Variants in COL21A1 observed in about 807,000 individuals in gnomAD.
The protein encoded by COL21A1 is collagen alpha-1(XXI) chain.
Under a neutral mutation model 137.9 loss-of-function variants are expected in COL21A1, and 149 were observed. That is an observed-to-expected ratio of 1.08 (90% CI 0.95 to 1.24). The LOEUF (loss-of-function observed/expected upper bound fraction) is 1.24, where lower values mean the gene tolerates loss of function less well. Among genes scored for constraint, COL21A1 ranks in the 50% most tolerant of loss-of-function variants. The pLI, the probability that COL21A1 is intolerant of heterozygous loss-of-function variation, is 0.00. For missense variants in COL21A1, 1,167 were observed against 1,158.4 expected, an observed-to-expected ratio of 1.01 and a Z score of -0.11; for synonymous variants, 456 against 391.5, an observed-to-expected ratio of 1.16 and a Z score of -1.95.
chr6:56,214,736 A>G (rs1780380834), intron 1 of COL21A1, among the ~76,000 whole-genome samples: 1 of 152,108 alleles, frequency 6.6e-6, no homozygotes, highest in Non-Finnish European at 1.5e-5. Flanking sequence ...AATAAGAACC[A>G]AAATGGTTAT....
At chr6:56,064,820 T>C (rs1443986162) in intron 23 of COL21A1, among the ~76,000 whole-genome samples, 198 bp from the exon 24 acceptor site, 1 of 152,006 alleles carries the variant, frequency 6.6e-6, no homozygotes, top group African/African-American at 2.4e-5. Flanking sequence ...AATCTTATAG[T>C]TAAAGTGGAC....
chr6:56,114,594 A>G (rs1434911642), intron 16 of COL21A1, among the ~76,000 whole-genome samples: 1 of 152,036 alleles, frequency 6.6e-6, no homozygotes, highest in Admixed American at 6.6e-5. Context: ...ACTGGCCATC[A>G]GAGAAATGCA....
intron 1 of COL21A1, among the ~76,000 whole-genome samples, chr6:56,334,197 T>C (rs1197211640): frequency 6.6e-6 from 1 of 152,136 alleles, no homozygotes; most frequent in Non-Finnish European, 1.5e-5. Context: ...ATGTATATAC[T>C]TGTCCATCTG....
At position 56,124,274 on chromosome 6, in the gene COL21A1, C is replaced by A; in HGVS notation, c.1669G>T (p.Gly557Trp). Residue 557 changes from glycine to tryptophan, a missense_variant, in exon 15 of 30, where the codon GGG (glycine) becomes TGG (tryptophan). Physicochemically the swap from Gly to Trp is radical, Grantham distance 184. Transcript: ENST00000244728. ...GGGAGGCCAGGGAAGCCAGCATTCC[C>A]CTTTTCACCTTTTGCACCCTGTATC... ...YGKKGAKGEK[G>W]NAGFPGLPGP... is the part of the protein sequence containing the mutation. The A allele has an allele frequency of 6.2e-7, 1 of 1,603,636 alleles. No homozygotes were observed. Among genetic ancestry groups the A allele is most frequent in the East Asian group, 2.2e-5 (1 of 44,638 alleles).
intron 1 of COL21A1, among the ~76,000 whole-genome samples, chr6:56,266,210 C>A (rs564121633): frequency 1.6e-4 from 24 of 152,224 alleles, no homozygotes; most frequent in Middle Eastern, 3.4e-3. Flanking sequence ...AAGTAAAATT[C>A]AAACTCTGGA....
intron 16 of COL21A1, among the ~76,000 whole-genome samples, chr6:56,113,013 A>G (rs571108862): frequency 6.6e-6 from 1 of 152,312 alleles, no homozygotes; most frequent in South Asian, 2.1e-4. Context: ...AGCCCCAGCC[A>G]AAGGAGAATT....
chr6:56,342,650 C>G (rs1372358544), intron 1 of COL21A1, among the ~76,000 whole-genome samples: 4 of 152,134 alleles, frequency 2.6e-5, no homozygotes, highest in African/African-American at 9.7e-5. Flanking sequence ...ATGTGATTTG[C>G]ACAAAATGGC....
intron 17 of COL21A1, among the ~76,000 whole-genome samples, chr6:56,089,205 T>C (rs1332251051): frequency 6.6e-6 from 1 of 152,154 alleles, no homozygotes; most frequent in Non-Finnish European, 1.5e-5. Flanking sequence ...CTCACCAAAA[T>C]AGCAACAGGA....
At chr6:56,115,847 A>G (rs560449780) in intron 16 of COL21A1, among the ~76,000 whole-genome samples, 20 of 152,248 alleles carry the variant, frequency 1.3e-4, no homozygotes, top group Non-Finnish European at 2.6e-4. Context: ...CAAAGAAACA[A>G]AGCAGAAATT....
At chr6:56,228,092 G>A (rs1180416057) in intron 1 of COL21A1, among the ~76,000 whole-genome samples, 1 of 151,964 alleles carries the variant, frequency 6.6e-6, no homozygotes, top group Non-Finnish European at 1.5e-5. Flanking sequence ...AATGAATGAT[G>A]GGGCAGGTAC....
chr6:56,170,885 T>G lies in COL21A1; in HGVS notation c.810-20A>C. The stretch of plus-strand genomic sequence containing the variant: ...ACATTGCTAGAAAAAGAAGAGCAAG[T>G]GTAAGCTTAAAGAATTCTTGACATG... On this transcript the variant is annotated intron_variant, in intron 4 of 29. Coordinates refer to ENST00000244728, the MANE Select transcript of COL21A1 (RefSeq NM_030820.4). 3 of 1,603,590 alleles carry G rather than the reference T, an allele frequency of 1.9e-6. No individual in the cohort carries two copies. In the South Asian group the frequency reaches 3.3e-5, roughly 18 times the overall value.
intron 1 of COL21A1, among the ~76,000 whole-genome samples, chr6:56,213,168 T>C (rs914212796): frequency 6.6e-6 from 1 of 151,228 alleles, no homozygotes; most frequent in Non-Finnish European, 1.5e-5. Context: ...TGCCATTTCA[T>C]AGTCTTATTT....
At chr6:56,127,658 G>A (rs1265829449) in intron 12 of COL21A1, among the ~76,000 whole-genome samples, 1 of 152,090 alleles carries the variant, frequency 6.6e-6, no homozygotes, top group Non-Finnish European at 1.5e-5. Flanking sequence ...ACGTTTGAAG[G>A]CTCTGCTTCA....
Position 56,393,730 on chromosome 6 carries a change from G to A in COL21A1, c.-39+241C>T, listed in dbSNP as rs75529619. ...GGCAGGCTGCAGCCTACACCATGAG[G>A]CAGGTAGAAAATTGCCAGTCCCCAG... On this transcript the variant is annotated intron_variant, in intron 1 of 28. Transcript: ENST00000370819. 1.6e-3 allele frequency among the ~76,000 whole-genome samples: 247 copies of A among 152,278 alleles called. 3 individuals carry two copies. The East Asian group carries it at 0.022, about 13-fold the overall frequency.
At chr6:56,190,379 C>G in intron 1 of COL21A1, among the ~76,000 whole-genome samples, 1 of 152,042 alleles carries the variant, frequency 6.6e-6, no homozygotes, top group East Asian at 1.9e-4. Context: ...CACCCTCCCA[C>G]GTCTAAACCA....
At chr6:56,141,409 C>T (rs900058229) in intron 12 of COL21A1, among the ~76,000 whole-genome samples, 3 of 152,144 alleles carry the variant, frequency 2.0e-5, no homozygotes, top group African/African-American at 4.8e-5. Context: ...CAATAGGCCA[C>T]GTGCCAGATA....
At position 56,070,055 on chromosome 6, in the gene COL21A1, T is replaced by A. The variant is rs191375107; in HGVS notation, c.2019+690A>T. Among the ~76,000 whole-genome samples the A allele has an allele frequency of 3.7e-3, 555 of 151,618 alleles. 7 individuals are homozygous for A. The highest frequency in any genetic ancestry group is 0.013 in the African/African-American group (528 of 41,478). On this transcript the variant is annotated intron_variant, in intron 21 of 29. Coordinates refer to ENST00000244728, the MANE Select transcript of COL21A1 (RefSeq NM_030820.4). ...TTTTGTTTTAAAGTCTTAAATAAAT[T>A]ATTTGCAAGCACGTGTTAATAATGC...
intron 1 of COL21A1, among the ~76,000 whole-genome samples, chr6:56,354,913 T>C (rs1765797557): frequency 6.6e-6 from 1 of 152,060 alleles, no homozygotes; most frequent in African/African-American, 2.4e-5. Context: ...CAAGTTCAAG[T>C]CTATGAAAAA....
intron 1 of COL21A1, among the ~76,000 whole-genome samples, chr6:56,197,683 A>C (rs1362837808): frequency 1.3e-5 from 2 of 152,106 alleles, no homozygotes; most frequent in Admixed American, 1.3e-4. Flanking sequence ...CACGGCTATT[A>C]TCAAAAAGTC....
Sources: allele counts gnomAD v4.1 joint callset (sites outside exome capture counted in the v4.1 genomes callset), GRCh38; gene constraint gnomAD v4.1.1; transcripts MANE v1.5; gene names NCBI Gene and HGNC (gene_info 2026-07-23, HGNC 2026-07-21).